The following LRP1B variants were observed in gnomAD, a reference collection of about 807,000 sequenced individuals.
The protein encoded by LRP1B is low-density lipoprotein receptor-related protein 1B.
LRP1B carries 217 observed loss-of-function variants against 556.6 expected under a neutral mutation model. That is an observed-to-expected ratio of 0.39 (90% CI 0.35 to 0.44). The LOEUF (loss-of-function observed/expected upper bound fraction) is 0.44. Ranked by LOEUF, LRP1B falls within the 20% of genes least tolerant of loss-of-function variation. LRP1B has a pLI of 1.00. For synonymous variants in LRP1B, 2,047 were observed against 1,865.8 expected, an observed-to-expected ratio of 1.10 and a Z score of -2.50; for missense variants, 5,053 against 5,620.8, an observed-to-expected ratio of 0.90 and a Z score of 3.23.
chr2:141,528,911 A>C (rs1684782918), intron 2 of LRP1B, among the ~76,000 whole-genome samples: 1 of 152,186 alleles, frequency 6.6e-6, no homozygotes. Flanking sequence ...TTTAATAATA[A>C]ATAACAATTC....
In LRP1B at chr2:141,315,882, C is replaced by CTT. The variant is rs70991157; in HGVS notation, c.344-61243_344-61242dup. 6.1e-3 allele frequency among the ~76,000 whole-genome samples: 110 copies of CTT among 18,146 alleles called. 16 individuals carry two copies. The highest frequency in any genetic ancestry group is 0.025 in the African/African-American group (104 of 4,230). The allele number at this position is 18,146 out of a possible 152,430, so 11.9% of individuals were successfully genotyped here. Reference sequence around the variant, plus strand: ...GAAAATCCTCTATCTTTAGTCTGGTCTTTTTTTTTTTTTTTTTTTTTTTTT... The same window carrying CTT: ...GAAAATCCTCTATCTTTAGTCTGGTCTTTTTTTTTTTTTTTTTTTTTTTTTTT... On this transcript the variant is annotated intron_variant, in intron 3 of 90. Transcript: ENST00000389484.
chr2:140,847,536 A>T (rs1462868481), intron 29 of LRP1B, among the ~76,000 whole-genome samples: 1 of 152,080 alleles, frequency 6.6e-6, no homozygotes, highest in Non-Finnish European at 1.5e-5. Flanking sequence ...TGGGAGACAG[A>T]GGTGGGTGGA....
intron 56 of LRP1B, 136 bp from the exon 57 acceptor site, chr2:140,492,829 C>T: frequency 1.6e-6 from 1 of 614,678 alleles, no homozygotes; most frequent in Non-Finnish European, 2.9e-6. Context: ...TAAAAAGGAT[C>T]ATACTGAGCA....
chr2:140,633,153 A>G (rs1227255995), intron 41 of LRP1B, among the ~76,000 whole-genome samples: 2 of 152,098 alleles, frequency 1.3e-5, no homozygotes, highest in Non-Finnish European at 1.5e-5. Flanking sequence ...AAAATATACC[A>G]TGCTAACACC....
intron 25 of LRP1B, among the ~76,000 whole-genome samples, chr2:140,878,868 G>A (rs111254889): frequency 0.039 from 5,928 of 151,926 alleles, 180 homozygotes; most frequent in South Asian, 0.09. Context: ...TTGGCTGGGC[G>A]TGGTGGCACG....
Position 141,235,829 on chromosome 2 carries a change from G to A in LRP1B, c.593-6389C>T, listed in dbSNP as rs551499417. 2.6e-5 allele frequency among the ~76,000 whole-genome samples: 4 copies of A among 152,212 alleles called. No homozygotes were observed. In the East Asian group the frequency reaches 7.7e-4, roughly 29 times the overall value. On this transcript the variant is annotated intron_variant, in intron 5 of 90. Coordinates refer to ENST00000389484, the MANE Select transcript of LRP1B (RefSeq NM_018557.3). Reference sequence around the variant, plus strand: ...CATTTTAAGATTAATACTCACTTAAGTTAATATAGCTATTAAGTGAAAATA... The same window carrying A: ...CATTTTAAGATTAATACTCACTTAAATTAATATAGCTATTAAGTGAAAATA...
In LRP1B at chr2:140,935,384, A is replaced by G. The variant is rs539172271; in HGVS notation, c.3137-12237T>C. ...AAAAGCCTTTGGAGATGAAAAGTAC[A>G]ATAACTAAAATGAAAAATTCACTAA... On this transcript the variant is annotated intron_variant, in intron 20 of 90. Transcript: ENST00000389484. Among the ~76,000 whole-genome samples the G allele has an allele frequency of 2.2e-3, 341 of 152,248 alleles. 1 individual carries two copies. The highest frequency in any genetic ancestry group is 7.9e-3 in the African/African-American group (329 of 41,574).
intron 57 of LRP1B, among the ~76,000 whole-genome samples, chr2:140,492,237 T>A (rs936616773): frequency 3.3e-5 from 5 of 152,154 alleles, no homozygotes; most frequent in African/African-American, 9.7e-5. Flanking sequence ...AGTGGAGGAA[T>A]CTATCAATGA....
intron 1 of LRP1B, among the ~76,000 whole-genome samples, chr2:142,083,710 G>A (rs1252383438): frequency 6.6e-6 from 1 of 152,126 alleles, no homozygotes; most frequent in Non-Finnish European, 1.5e-5. Flanking sequence ...TTTTAAAGCA[G>A]GTGTCTTTTA....
Position 140,322,105 on chromosome 2 carries a change from A to C in LRP1B, c.12515-17T>G. ...GATTGGGTACTGGTGAAACAAAAGA[A>C]AACAAAGAAGTGTGTAAATATAGAT... is the stretch of plus-strand genomic sequence containing the variant. On this transcript the variant is annotated splice_polypyrimidine_tract_variant and intron_variant, in intron 81 of 90. Transcript: ENST00000389484. 1 of 1,608,272 alleles carries C rather than the reference A, an allele frequency of 6.2e-7. No individual in the cohort carries two copies. The highest frequency in any genetic ancestry group is 8.5e-7 in the Non-Finnish European group (1 of 1,177,654).
chr2:141,417,758 A>ATTTT (rs56660575), intron 3 of LRP1B, among the ~76,000 whole-genome samples: 1,408 of 136,314 alleles, frequency 0.01, 16 homozygotes, highest in African/African-American at 0.015. Context: ...TGGTAGTTCT[A>ATTTT]TTTTTTTTTT....
chr2:141,932,562 G>GT (rs1431123865), intron 1 of LRP1B, among the ~76,000 whole-genome samples: 1 of 151,956 alleles, frequency 6.6e-6, no homozygotes, highest in East Asian at 1.9e-4. Context: ...TAATGCTTGT[G>GT]TAAGTGCATT....
chr2:140,654,577 C>A (rs2105327436), intron 41 of LRP1B, among the ~76,000 whole-genome samples: 1 of 151,656 alleles, frequency 6.6e-6, no homozygotes, highest in South Asian at 2.1e-4. Context: ...ATATTAGTCT[C>A]ACTTCATCAG....
chr2:140,402,254 T>C (rs547110310), intron 66 of LRP1B, among the ~76,000 whole-genome samples: 1 of 152,198 alleles, frequency 6.6e-6, no homozygotes, highest in Admixed American at 6.5e-5. Flanking sequence ...CTGTTGGAAG[T>C]TTCTTGCAGC....
At chr2:141,497,508 C>T (rs546036156) in intron 2 of LRP1B, among the ~76,000 whole-genome samples, 41 of 152,088 alleles carry the variant, frequency 2.7e-4, no homozygotes, top group African/African-American at 7.9e-4. Context: ...AAGGAAGTAC[C>T]GGGTTTTTTC....
intron 4 of LRP1B, among the ~76,000 whole-genome samples, chr2:141,253,393 A>G (rs1036443984): frequency 2.6e-5 from 4 of 152,174 alleles, no homozygotes; most frequent in South Asian, 2.1e-4. Flanking sequence ...TGGGTCTGAT[A>G]AACACTTGAT....
chr2:141,667,156 C>T (rs967611299), intron 2 of LRP1B, among the ~76,000 whole-genome samples: 1 of 152,036 alleles, frequency 6.6e-6, no homozygotes, highest in Non-Finnish European at 1.5e-5. Flanking sequence ...AATGAGCTAC[C>T]GTACTGTACT....
intron 84 of LRP1B, among the ~76,000 whole-genome samples, chr2:140,282,381 C>G (rs111243594): frequency 0.022 from 3,280 of 151,836 alleles, 114 homozygotes; most frequent in African/African-American, 0.074. Context: ...AGAGGTTAAG[C>G]AATTGCCAAG....
chr2:140,245,469 C>T (rs1681111267), intron 87 of LRP1B, among the ~76,000 whole-genome samples: 2 of 151,398 alleles, frequency 1.3e-5, no homozygotes, highest in South Asian at 2.1e-4. Context: ...GTTTTTGATG[C>T]TCTAAAAAGG....
Sources: gnomAD v4.1 joint callset for allele counts (sites outside exome capture counted in the v4.1 genomes callset) on GRCh38, gnomAD v4.1.1 for gene constraint, MANE v1.5 for transcripts, NCBI Gene and HGNC (gene_info 2026-07-23, HGNC 2026-07-21) for gene names.